The following ABCA10 variants were observed in gnomAD, a reference collection of about 807,000 sequenced individuals.
The protein encoded by ABCA10 is ATP-binding cassette sub-family A member 10.
In ABCA10, 169 loss-of-function variants were observed where a neutral mutation model predicts 187.5. The ratio of observed to expected loss-of-function variants is 0.90; its 90% CI spans 0.80 to 1.02. The LOEUF (loss-of-function observed/expected upper bound fraction) is 1.02. ABCA10 is among the 50% of genes least tolerant of loss of function. The pLI is 0.00. For missense variants in ABCA10, 1,727 were observed against 1,812.4 expected, an observed-to-expected ratio of 0.95 and a Z score of 0.86; for synonymous variants, 574 against 601.8, an observed-to-expected ratio of 0.95 and a Z score of 0.68.
chr17:69,194,023 GA>G, intron 12 of ABCA10, 34 bp from the exon 13 acceptor site: 1 of 1,526,004 alleles, frequency 6.6e-7, no homozygotes, highest in Admixed American at 1.9e-5. Flanking sequence ...TTTACTGCCA[GA>G]ATGTTAATTC....
At chr17:69,172,227 T>A (rs920629784) in intron 25 of ABCA10, among the ~76,000 whole-genome samples, 6 of 152,062 alleles carry the variant, frequency 3.9e-5, no homozygotes, top group Admixed American at 3.9e-4. Context: ...ACATAAAAAA[T>A]TTTTCAGGGG....
At position 69,197,149 on chromosome 17, in the gene ABCA10, G is replaced by A. The variant is rs770398626; in HGVS notation, c.1176-27C>T. The A allele has an allele frequency of 7.2e-6, 11 of 1,517,338 alleles. No homozygotes were observed. The East Asian group carries it at 1.6e-4, about 22-fold the overall frequency. 94.0% of individuals were successfully genotyped at this position (1,517,338 alleles called of 1,614,324 possible). A position where few individuals can be genotyped will look rare whatever the true frequency, so the allele number is the denominator to read the frequency against. On this transcript the variant is annotated intron_variant, in intron 10 of 38. Transcript: ENST00000690296. ...TGAAAGAAGATGAAGTAATTTTCAT[G>A]TAAATGCATTTTCTAGTATTAATAA...
At chr17:69,240,182 G>C (rs2074895399) in intron 1 of ABCA10, among the ~76,000 whole-genome samples, 1 of 152,146 alleles carries the variant, frequency 6.6e-6, no homozygotes, top group African/African-American at 2.4e-5. Context: ...TAGCTCTTAT[G>C]GGTAGATGTG....
chr17:69,150,848 A>G (rs1459019391), intron 36 of ABCA10, among the ~76,000 whole-genome samples: 2 of 152,174 alleles, frequency 1.3e-5, no homozygotes, highest in Non-Finnish European at 2.9e-5. Flanking sequence ...TATCACAAAA[A>G]TTCTACTGGC....
At chr17:69,210,170 CTTTTTTTTTTTTTTTTTT>C (rs1160992125) in intron 9 of ABCA10, among the ~76,000 whole-genome samples, 11 of 70,894 alleles carry the variant, frequency 1.6e-4, no homozygotes, top group South Asian at 8.8e-4. Flanking sequence ...GTGGTTATTT[CTTTTTTTTTTTTTTTTTT>C]TTTTTTTTTT....
upstream of ABCA10, among the ~76,000 whole-genome samples, chr17:69,229,239 T>G (rs1216690730): frequency 6.6e-6 from 1 of 152,042 alleles, no homozygotes; most frequent in Admixed American, 6.6e-5. Flanking sequence ...TAAACAAATT[T>G]GAAAGGTGGG....
chr17:69,243,387 A>G (rs1333674380), intron 1 of ABCA10, among the ~76,000 whole-genome samples: 1 of 152,258 alleles, frequency 6.6e-6, no homozygotes, highest in Non-Finnish European at 1.5e-5. Context: ...AAACCTGGAC[A>G]GCATGCTACT....
chr17:69,159,603 A>G (rs1034058987), intron 27 of ABCA10, among the ~76,000 whole-genome samples: 1 of 152,152 alleles, frequency 6.6e-6, no homozygotes, highest in Non-Finnish European at 1.5e-5. Flanking sequence ...CTTCAGAAAC[A>G]ATGGAGGCCA....
intron 27 of ABCA10, among the ~76,000 whole-genome samples, chr17:69,157,392 T>G (rs919266441): frequency 6.6e-6 from 1 of 152,098 alleles, no homozygotes; most frequent in East Asian, 1.9e-4. Context: ...CTTTCTCTAA[T>G]AAAGGATGGA....
At position 69,189,616 on chromosome 17, in the gene ABCA10, T is replaced by C. The variant is rs538076775; in HGVS notation, c.2131+742A>G. On this transcript the variant is annotated intron_variant, in intron 18 of 38. Transcript: ENST00000690296. ...TTGCCAGGACCAATGTCCAGAATGGTATTTTGTAGGTTTTCTTCTCAGGTT... is the reference window on the plus strand; with the variant it reads ...TTGCCAGGACCAATGTCCAGAATGGCATTTTGTAGGTTTTCTTCTCAGGTT... Among the ~76,000 whole-genome samples the C allele has an allele frequency of 1.1e-4, 17 of 152,256 alleles. No individual in the cohort carries two copies. In the South Asian group the frequency reaches 3.5e-3, roughly 32 times the overall value.
chr17:69,148,531 G>T lies in ABCA10; in HGVS notation c.*296C>A. The T allele has an allele frequency of 4.4e-6, 1 of 227,262 alleles. No individual in the cohort carries two copies. Among genetic ancestry groups the T allele is most frequent in the South Asian group, 9.1e-5 (1 of 10,990 alleles). The allele number at this position is 227,262 out of a possible 1,614,324, so 14.1% of individuals were successfully genotyped here. On this transcript the variant is annotated 3_prime_UTR_variant, in exon 39 of 39. Coordinates refer to ENST00000690296, the MANE Select transcript of ABCA10 (RefSeq NM_001377321.1). Reference sequence around the variant, plus strand: ...AAATGTTCTCAGTGTTAGCTTTATTGATAATAACCGATAACCAACCTAATA... The same window carrying T: ...AAATGTTCTCAGTGTTAGCTTTATTTATAATAACCGATAACCAACCTAATA...
At chr17:69,209,981 C>T (rs8079681) in intron 9 of ABCA10, among the ~76,000 whole-genome samples, 82,536 of 151,664 alleles carry the variant, frequency 0.54, 24,409 homozygotes, top group Non-Finnish European at 0.67. Flanking sequence ...CATTGTTATG[C>T]AGCACATGAC....
At chr17:69,240,209 CTT>C (rs950462679) in intron 1 of ABCA10, among the ~76,000 whole-genome samples, 2 of 152,184 alleles carry the variant, frequency 1.3e-5, no homozygotes, top group African/African-American at 4.8e-5. Flanking sequence ...TCCTGCAGCT[CTT>C]GTGTGATACA....
Position 69,153,492 on chromosome 17 carries a change from T to C in ABCA10, c.4020A>G (p.Leu1340=), listed in dbSNP as rs138751693. The C allele has an allele frequency of 9.9e-6, 16 of 1,614,000 alleles. No homozygotes were observed. The highest frequency in any genetic ancestry group is 5.0e-5 in the Admixed American group (3 of 59,998). The change falls in exon 33 of 39, where the codon CTA becomes CTG. Residue 1340 remains leucine, a synonymous_variant. Coordinates refer to ENST00000690296, the MANE Select transcript of ABCA10 (RefSeq NM_001377321.1). ...ATACCTTTCTCTTTATTCCCTCTGA[T>C]AGAGTTTTCACAGGAGCCTTAAGTT... The part of the protein sequence containing the change: ...QEQLKAPVKT[L]SEGIKRKLCF...
intron 22 of ABCA10, among the ~76,000 whole-genome samples, chr17:69,177,973 A>ATATATATATATATATATATATGTTAT (rs68149070): frequency 2.0e-5 from 1 of 49,978 alleles, no homozygotes; most frequent in African/African-American, 6.1e-5. Context: ...AAAAAAAAAA[A>ATATATATATATATATATATATGTTAT]ATATATATAT....
chr17:69,153,352 T>C lies in ABCA10; in HGVS notation c.4089A>G (p.Leu1363=), dbSNP rs776538863. 6.2e-7 allele frequency: 1 copy of C among 1,613,714 alleles called. No individual in the cohort carries two copies. Among genetic ancestry groups the C allele is most frequent in the Non-Finnish European group, 8.5e-7 (1 of 1,179,784 alleles). The change falls in exon 34 of 39, where the codon CTA becomes CTG. Residue 1363 remains leucine (L), a synonymous_variant. Transcript: ENST00000690296. ...GGTCCATCCCGGTGAACGGCTCATC[T>C]AGAAGCACCACTGATGGGTTCCCCA... is the stretch of plus-strand genomic sequence containing the variant. ...SILGNPSVVL[L]DEPFTGMDPE...
rs918367919 is a variant in ABCA10 at position 69,201,641 on chromosome 17, A to C, written c.1034T>G (p.Leu345Ter). Residue 345 changes from leucine to a stop codon, truncating the protein, a stop_gained, in exon 10 of 39, where the codon TTA (leucine) becomes TGA (stop). Transcript: ENST00000690296. LOFTEE classifies it high-confidence loss of function. ...CCAAAATGAGGACTTAAGGAAAAAT[A>C]ATGGAGAATCCCCATGGCCATCTTT... ...PDKDGHGDSP[L>*]FFLKSSFWSK... The C allele has an allele frequency of 3.1e-6, 5 of 1,608,382 alleles. No homozygotes were observed. In the African/African-American group the frequency reaches 5.4e-5, roughly 17 times the overall value.
Position 69,219,451 on chromosome 17 carries a change from A to G in ABCA10, c.530+94T>C, listed in dbSNP as rs2144844280. ...AAGGTGATTAAATTGAATACGTGCA[A>G]GAAAACTTGTGAGTGCGTCCAATTT... On this transcript the variant is annotated intron_variant, in intron 6 of 38. Coordinates refer to ENST00000690296, the MANE Select transcript of ABCA10 (RefSeq NM_001377321.1). The G allele has an allele frequency of 4.6e-6, 4 of 877,312 alleles. No individual in the cohort carries two copies. In the East Asian group the frequency reaches 1.0e-4, roughly 23 times the overall value. 54.3% of individuals were successfully genotyped at this position (877,312 alleles called of 1,614,324 possible). A position where few individuals can be genotyped will look rare whatever the true frequency, so the allele number is the denominator to read the frequency against.
chr17:69,185,135 T>C (rs2074411386), intron 20 of ABCA10, among the ~76,000 whole-genome samples: 1 of 151,906 alleles, frequency 6.6e-6, no homozygotes, highest in African/African-American at 2.4e-5. Context: ...ACAATGGATT[T>C]TGAGGACTTG....
Sources: gnomAD v4.1 joint callset for allele counts (sites outside exome capture counted in the v4.1 genomes callset) on GRCh38, gnomAD v4.1.1 for gene constraint, MANE v1.5 for transcripts, NCBI Gene and HGNC (gene_info 2026-07-23, HGNC 2026-07-21) for gene names.